KIF4A: variants seen among roughly 807,000 people sequenced by gnomAD.
KIF4A encodes the protein chromosome-associated kinesin KIF4A.
In KIF4A, 7 loss-of-function variants were observed where a neutral mutation model predicts 105.9. The observed-to-expected ratio is 0.07, with a 90% CI of 0.04 to 0.12. KIF4A has a LOEUF of 0.12. Ranked by LOEUF, KIF4A falls within the 10% of genes least tolerant of loss-of-function variation. The pLI is 1.00. For missense variants in KIF4A, 558 were observed against 929.2 expected (o/e 0.60, Z 5.19); for synonymous variants, 281 against 331.3 (o/e 0.85, Z 1.65).
chrX:70,399,271 C>T (rs2086271585), intron 22 of KIF4A, among the ~76,000 whole-genome samples: 1 of 111,818 alleles, frequency 8.9e-6, no homozygotes, highest in South Asian at 3.7e-4. Flanking sequence ...AACTGACAGA[C>T]AAACTGTGGT....
At chrX:70,352,287 C>T (rs2147705262) in intron 13 of KIF4A, among the ~76,000 whole-genome samples, 1 of 111,617 alleles carries the variant, frequency 9.0e-6, no homozygotes, top group South Asian at 3.8e-4. Flanking sequence ...TAAACTTTGG[C>T]CTTTTGGAAT....
At chrX:70,390,610 C>A (rs2086234264) in intron 20 of KIF4A, among the ~76,000 whole-genome samples, 1 of 110,942 alleles carries the variant, frequency 9.0e-6, no homozygotes, top group Non-Finnish European at 1.9e-5. Context: ...ACTGATTTTT[C>A]CCTAATTTAT....
In KIF4A at chrX:70,310,354, G is replaced by A. The variant is rs968040082; in HGVS notation, c.778+7956G>A. 7.5e-5 allele frequency among the ~76,000 whole-genome samples: 7 copies of A among 93,867 alleles called. No homozygotes were observed. In the South Asian group the frequency reaches 3.3e-3, roughly 45 times the overall value. 81.5% of individuals were successfully genotyped at this position (93,867 alleles called of 115,157 possible). On this transcript the variant is annotated intron_variant, in intron 7 of 30. Transcript: ENST00000374403. ...GTGTGTGTGTGTGTGTGTGTGCCTG[G>A]ATTCTTTTGCTCAACATAGTGTTTT... is the stretch of plus-strand genomic sequence containing the variant.
Position 70,420,437 on chromosome X carries a change from C to T in KIF4A, c.*172C>T. ...TTTGTTGGATGTGGGCCTTAGCCTC[C>T]AGGTCCAGACTACTACTCTATGTTC... On this transcript the variant is annotated 3_prime_UTR_variant, in exon 31 of 31. Transcript: ENST00000374403. 1.6e-6 allele frequency: 1 copy of T among 641,166 alleles called. No individual in the cohort carries two copies. Among genetic ancestry groups the T allele is most frequent in the Non-Finnish European group, 2.3e-6 (1 of 430,083 alleles). The allele number at this position is 641,166 out of a possible 1,213,427, so 52.8% of individuals were successfully genotyped here.
intron 15 of KIF4A, among the ~76,000 whole-genome samples, chrX:70,369,610 C>G (rs773475641): frequency 9.0e-6 from 1 of 111,585 alleles, no homozygotes; most frequent in South Asian, 3.8e-4. Flanking sequence ...TAAAACCTTG[C>G]ACATGTGCAC....
At chrX:70,339,202 G>A (rs1027011369) in intron 10 of KIF4A, among the ~76,000 whole-genome samples, 1 of 110,887 alleles carries the variant, frequency 9.0e-6, no homozygotes, top group African/African-American at 3.3e-5. Context: ...TATGATGTGA[G>A]CATACTTTCA....
At chrX:70,312,679 A>G (rs931436252) in intron 7 of KIF4A, among the ~76,000 whole-genome samples, 3 of 111,608 alleles carry the variant, frequency 2.7e-5, no homozygotes, top group Non-Finnish European at 5.7e-5. Context: ...TTTTTCTTTT[A>G]TTTGCACATA....
At chrX:70,341,481 C>G (rs1438198835) in intron 10 of KIF4A, among the ~76,000 whole-genome samples, 1 of 111,424 alleles carries the variant, frequency 9.0e-6, no homozygotes, top group Non-Finnish European at 1.9e-5. Context: ...TTCATACCTA[C>G]AGGACACAAA....
At chrX:70,345,847 AT>A (rs2085990468) in intron 13 of KIF4A, among the ~76,000 whole-genome samples, 1 of 111,652 alleles carries the variant, frequency 9.0e-6, no homozygotes, top group Non-Finnish European at 1.9e-5. Flanking sequence ...GGCAAGGAAA[AT>A]TGGGAATCCT....
chrX:70,373,788 A>G (rs1358798745), intron 15 of KIF4A, among the ~76,000 whole-genome samples: 1 of 80,775 alleles, frequency 1.2e-5, no homozygotes, highest in East Asian at 3.9e-4. Context: ...ATATATATAC[A>G]TATATACACA....
At chrX:70,308,150 C>T (rs750456526) in intron 7 of KIF4A, among the ~76,000 whole-genome samples, 1 of 111,984 alleles carries the variant, frequency 8.9e-6, no homozygotes, top group African/African-American at 3.2e-5. Flanking sequence ...ACTTTTTAAT[C>T]CCCACTCCCT....
chrX:70,352,024 G>A (rs770378282), intron 13 of KIF4A, among the ~76,000 whole-genome samples: 38 of 111,992 alleles, frequency 3.4e-4, no homozygotes, highest in East Asian at 1.1e-3. Flanking sequence ...CTCCCAAAGC[G>A]CTGGGATTAC....
intron 10 of KIF4A, among the ~76,000 whole-genome samples, chrX:70,336,038 G>T: frequency 9.0e-6 from 1 of 111,696 alleles, no homozygotes; most frequent in Admixed American, 9.5e-5. Flanking sequence ...TTGTACAAAT[G>T]AACAGATACC....
intron 4 of KIF4A, among the ~76,000 whole-genome samples, chrX:70,297,484 G>A (rs1221470022): frequency 8.0e-5 from 9 of 112,307 alleles, no homozygotes; most frequent in Admixed American, 7.5e-4. Flanking sequence ...CTGCAGAAGA[G>A]TGTTTGATTT....
intron 7 of KIF4A, among the ~76,000 whole-genome samples, chrX:70,310,887 A>G (rs1018834524): frequency 2.7e-5 from 3 of 110,988 alleles, no homozygotes; most frequent in Non-Finnish European, 5.7e-5. Flanking sequence ...GCATTTTGGG[A>G]GGCCTAGGTA....
In KIF4A at chrX:70,419,726, C is replaced by T. The variant is rs61747653; in HGVS notation, c.3438C>T (p.Thr1146=). Residue 1146 remains threonine (T), a synonymous_variant, in exon 30 of 31, where the codon ACC becomes ACT. Transcript: ENST00000374403. The part of the protein sequence containing the change: ...SEGSFKLEDP[T]EVTPGLSFFN... ...GCTCCTTCAAACTGGAGGATCCTAC[C>T]GAGGTGACCCCAGGATTGAGCTTCT... 3.7e-4 allele frequency: 445 copies of T among 1,208,034 alleles called. 3 individuals are homozygous for T. In the African/African-American group the frequency reaches 6.7e-3, roughly 18 times the overall value.
At position 70,419,726 on chromosome X, in the gene KIF4A, C is replaced by G; in HGVS notation, c.3438C>G (p.Thr1146=). ...SEGSFKLEDP[T]EVTPGLSFFN... is the part of the protein sequence containing the mutation. ...GCTCCTTCAAACTGGAGGATCCTAC[C>G]GAGGTGACCCCAGGATTGAGCTTCT... Residue 1146 remains threonine, a synonymous_variant, in exon 30 of 31, where the codon ACC becomes ACG. Coordinates refer to ENST00000374403, the MANE Select transcript of KIF4A (RefSeq NM_012310.5). The G allele has an allele frequency of 8.3e-7, 1 of 1,210,457 alleles. No homozygotes were observed.
At chrX:70,399,080 A>C (rs1456721868) in intron 22 of KIF4A, among the ~76,000 whole-genome samples, 3 of 111,940 alleles carry the variant, frequency 2.7e-5, no homozygotes, top group South Asian at 3.7e-4. Context: ...GATTTTACTA[A>C]ATCTGGACCC....
chrX:70,375,480 TC>T, intron 17 of KIF4A, 132 bp downstream of exon 17: 1 of 622,609 alleles, frequency 1.6e-6, no homozygotes, highest in Non-Finnish European at 2.5e-6. Context: ...TGTGTGAATC[TC>T]CACAAATGTC....
Sources: allele counts gnomAD v4.1 joint callset (sites outside exome capture counted in the v4.1 genomes callset), GRCh38; gene constraint gnomAD v4.1.1; transcripts MANE v1.5; gene names NCBI Gene and HGNC (gene_info 2026-07-23, HGNC 2026-07-21).